Variants in PPP1R9A observed in about 807,000 individuals in gnomAD.
PPP1R9A encodes protein phosphatase 1 regulatory subunit 9A, also known as neurabin-1.
Under a neutral mutation model 141.9 loss-of-function variants are expected in PPP1R9A, and 59 were observed. The observed-to-expected ratio is 0.42, with a 90% CI of 0.34 to 0.52. The LOEUF is 0.52. PPP1R9A is among the 20% of genes least tolerant of loss of function. PPP1R9A has a pLI of 0.10. For missense variants in PPP1R9A, 1,444 were observed against 1,611.9 expected (o/e 0.90, Z 1.78); for synonymous variants, 500 against 569.7 (o/e 0.88, Z 1.74).
intron 4 of PPP1R9A, among the ~76,000 whole-genome samples, chr7:95,147,591 C>T (rs1045865923): frequency 6.6e-6 from 1 of 152,072 alleles, no homozygotes; most frequent in Non-Finnish European, 1.5e-5. Context: ...AAAGGGAATG[C>T]TTGCAGCTTT....
At chr7:95,260,863 C>T (rs1368494130) in intron 12 of PPP1R9A, among the ~76,000 whole-genome samples, 1 of 151,910 alleles carries the variant, frequency 6.6e-6, no homozygotes, top group African/African-American at 2.4e-5. Context: ...TCATTTTAAC[C>T]CAAATGTGAG....
chr7:95,200,452 A>AATT (rs1260844955), intron 6 of PPP1R9A, among the ~76,000 whole-genome samples: 1 of 148,160 alleles, frequency 6.7e-6, no homozygotes, highest in Non-Finnish European at 1.5e-5. Context: ...AAAAAAAAAA[A>AATT]TTTTTTTTTT....
At chr7:95,145,637 G>C (rs1031562065) in intron 4 of PPP1R9A, among the ~76,000 whole-genome samples, 5 of 152,120 alleles carry the variant, frequency 3.3e-5, no homozygotes, top group Non-Finnish European at 7.4e-5. Flanking sequence ...TGCTGGGCAT[G>C]GCGGCTCACA....
chr7:95,255,845 A>C (rs893653871), intron 12 of PPP1R9A, among the ~76,000 whole-genome samples: 3 of 152,160 alleles, frequency 2.0e-5, no homozygotes, highest in Admixed American at 2.0e-4. Context: ...CTTTGACTGC[A>C]GAAGGGTTTG....
chr7:95,075,875 G>T (rs1249424422), intron 2 of PPP1R9A, among the ~76,000 whole-genome samples: 1 of 152,064 alleles, frequency 6.6e-6, no homozygotes. Flanking sequence ...ACAAAGGAAA[G>T]GGGTTTGGGG....
intron 2 of PPP1R9A, among the ~76,000 whole-genome samples, chr7:95,003,498 C>T (rs1306935169): frequency 6.6e-6 from 1 of 152,072 alleles, no homozygotes; most frequent in African/African-American, 2.4e-5. Context: ...AGGGGATGCT[C>T]CTTTATTCTG....
chr7:95,242,954 C>T (rs1425967442), intron 8 of PPP1R9A, among the ~76,000 whole-genome samples: 3 of 152,126 alleles, frequency 2.0e-5, no homozygotes, highest in Admixed American at 1.3e-4. Flanking sequence ...ACTCTTGGAC[C>T]TGTACTTTGA....
intron 2 of PPP1R9A, among the ~76,000 whole-genome samples, chr7:94,976,894 T>C (rs1367440502): frequency 6.6e-6 from 1 of 152,104 alleles, no homozygotes; most frequent in Non-Finnish European, 1.5e-5. Flanking sequence ...CCCTTCTTTA[T>C]GTAGGTTATA....
Position 95,291,484 on chromosome 7 carries a change from A to T in PPP1R9A, c.*1181A>T, listed in dbSNP as rs994162452. ...TTTACAGAAAAAGTTTGTTTAAGGCAGTGCATAGGTATACTTTAGTAGTGG... is the reference window on the plus strand; with the variant it reads ...TTTACAGAAAAAGTTTGTTTAAGGCTGTGCATAGGTATACTTTAGTAGTGG... On this transcript the variant is annotated 3_prime_UTR_variant, in exon 20 of 20. Coordinates refer to ENST00000433360, the MANE Select transcript of PPP1R9A (RefSeq NM_001166160.2). 6 of 152,250 alleles carry T rather than the reference A, an allele frequency of 3.9e-5. No individual in the cohort carries two copies. Among genetic ancestry groups the T allele is most frequent in the African/African-American group, 9.6e-5 (4 of 41,470 alleles). 9.4% of individuals were successfully genotyped at this position (152,250 alleles called of 1,614,324 possible). A position where few individuals can be genotyped will look rare whatever the true frequency, so the allele number is the denominator to read the frequency against.
chr7:94,975,838 T>TAA (rs1799388480), intron 2 of PPP1R9A, among the ~76,000 whole-genome samples: 1 of 152,202 alleles, frequency 6.6e-6, no homozygotes, highest in South Asian at 2.1e-4. Context: ...AAACCAGTAA[T>TAA]TTATTAATTG....
chr7:95,254,476 C>T (rs531953382), intron 12 of PPP1R9A, among the ~76,000 whole-genome samples: 25 of 152,266 alleles, frequency 1.6e-4, no homozygotes, highest in Non-Finnish European at 3.2e-4. Context: ...CCATCACCAA[C>T]GTTTTGTACC....
chr7:95,278,379 T>G (rs1803580345), intron 16 of PPP1R9A, among the ~76,000 whole-genome samples: 2 of 152,188 alleles, frequency 1.3e-5, no homozygotes, highest in Admixed American at 1.3e-4. Flanking sequence ...CATGTCAAAA[T>G]AATATTTTGG....
intron 5 of PPP1R9A, among the ~76,000 whole-genome samples, chr7:95,178,182 C>T (rs982087813): frequency 6.6e-6 from 1 of 152,090 alleles, no homozygotes; most frequent in Non-Finnish European, 1.5e-5. Context: ...ATGTCAAGCA[C>T]TCTTTCTGAC....
At chr7:94,999,719 C>T (rs1405644685) in intron 2 of PPP1R9A, among the ~76,000 whole-genome samples, 1 of 151,642 alleles carries the variant, frequency 6.6e-6, no homozygotes, top group Non-Finnish European at 1.5e-5. Flanking sequence ...GTTTGAGTTG[C>T]ATTACTTTTT....
chr7:95,249,572 C>T (rs1281597001), intron 9 of PPP1R9A, among the ~76,000 whole-genome samples: 3 of 152,064 alleles, frequency 2.0e-5, no homozygotes, highest in Non-Finnish European at 4.4e-5. Context: ...CCAGAGATCC[C>T]CTCTTAACCA....
At chr7:94,946,680 G>A (rs1336016860) in intron 2 of PPP1R9A, among the ~76,000 whole-genome samples, 1 of 151,990 alleles carries the variant, frequency 6.6e-6, no homozygotes, top group Non-Finnish European at 1.5e-5. Context: ...CATTATTTGG[G>A]GATGATGGAA....
At chr7:95,277,017 G>A (rs1383764392) in intron 16 of PPP1R9A, among the ~76,000 whole-genome samples, 2 of 152,134 alleles carry the variant, frequency 1.3e-5, no homozygotes, top group African/African-American at 2.4e-5. Flanking sequence ...CTGCAGGGTC[G>A]CACTATGATT....
chr7:95,274,729 T>A (rs1206112421), intron 16 of PPP1R9A, among the ~76,000 whole-genome samples: 2 of 152,314 alleles, frequency 1.3e-5, no homozygotes, highest in African/African-American at 2.4e-5. Flanking sequence ...GTTATCAAAT[T>A]TTCCCAGTTG....
At chr7:95,042,039 C>T (rs1449565773) in intron 2 of PPP1R9A, among the ~76,000 whole-genome samples, 1 of 152,116 alleles carries the variant, frequency 6.6e-6, no homozygotes, top group East Asian at 1.9e-4. Flanking sequence ...GAGGGTCCTA[C>T]CATCCATCTC....
Sources: gnomAD v4.1 joint callset for allele counts (sites outside exome capture counted in the v4.1 genomes callset) on GRCh38, gnomAD v4.1.1 for gene constraint, MANE v1.5 for transcripts, NCBI Gene and HGNC (gene_info 2026-07-23, HGNC 2026-07-21) for gene names.